The following ARHGAP24 variants were observed in gnomAD, a reference collection of about 807,000 sequenced individuals.
ARHGAP24 encodes the protein Rho GTPase activating protein 24.
ARHGAP24 carries 50 observed loss-of-function variants against 76.4 expected under a neutral mutation model. The observed-to-expected ratio is 0.65, with a 90% CI of 0.52 to 0.83. The LOEUF (loss-of-function observed/expected upper bound fraction) is 0.83, where lower values mean the gene tolerates loss of function less well. ARHGAP24 is among the 40% of genes least tolerant of loss of function. ARHGAP24 has a pLI of 0.00. For missense variants in ARHGAP24, 930 were observed against 914.2 expected, an observed-to-expected ratio of 1.02 and a Z score of -0.22; for synonymous variants, 345 against 323.3, an observed-to-expected ratio of 1.07 and a Z score of -0.72.
intron 4 of ARHGAP24, among the ~76,000 whole-genome samples, chr4:85,938,806 A>C (rs537507816): frequency 6.6e-6 from 1 of 152,184 alleles, no homozygotes; most frequent in African/African-American, 2.4e-5. Flanking sequence ...ATGCTCATTG[A>C]AGCTCCAGAG....
At chr4:85,601,995 A>G (rs1720042315) in intron 2 of ARHGAP24, among the ~76,000 whole-genome samples, 1 of 151,580 alleles carries the variant, frequency 6.6e-6, no homozygotes, top group Non-Finnish European at 1.5e-5. Flanking sequence ...TTACTTGCAT[A>G]GGAAAAAGGA....
chr4:85,868,790 A>C (rs1045934168), intron 3 of ARHGAP24, among the ~76,000 whole-genome samples: 1 of 152,126 alleles, frequency 6.6e-6, no homozygotes, highest in Non-Finnish European at 1.5e-5. Context: ...CTATAAACCT[A>C]AAATTATTCT....
In ARHGAP24 at chr4:85,948,283, G is replaced by T. The variant is rs11947947; in HGVS notation, c.599+6010G>T. On this transcript the variant is annotated intron_variant, in intron 5 of 9. Transcript: ENST00000395184. ...AAATTAGCAAGAAATATGTCAATAG[G>T]CTCCTCATAATAGAATATCGTATAA... Among the ~76,000 whole-genome samples the T allele has an allele frequency of 5.6e-3, 849 of 152,130 alleles. 10 individuals carry two copies. Among genetic ancestry groups the T allele is most frequent in the African/African-American group, 0.019 (809 of 41,508 alleles).
intron 3 of ARHGAP24, among the ~76,000 whole-genome samples, chr4:85,851,495 T>C (rs1397419888): frequency 6.6e-6 from 1 of 152,212 alleles, no homozygotes; most frequent in East Asian, 1.9e-4. Flanking sequence ...GTCATTATGA[T>C]GTTAGCTGGT....
chr4:85,795,211 A>G (rs753348075), intron 3 of ARHGAP24, among the ~76,000 whole-genome samples: 1 of 152,206 alleles, frequency 6.6e-6, no homozygotes, highest in Non-Finnish European at 1.5e-5. Flanking sequence ...AGAAATTTAT[A>G]CAAAGTTCAT....
chr4:85,564,923 G>GGTATAT (rs1267106368), intron 1 of ARHGAP24, among the ~76,000 whole-genome samples: 1 of 36,720 alleles, frequency 2.7e-5, no homozygotes, highest in Non-Finnish European at 5.2e-5. Flanking sequence ...GAACACACAC[G>GGTATAT]GTATATATAT....
At chr4:85,667,614 C>T (rs538537036) in intron 2 of ARHGAP24, among the ~76,000 whole-genome samples, 13 of 152,264 alleles carry the variant, frequency 8.5e-5, no homozygotes, top group South Asian at 2.1e-4. Context: ...AGCTGTAGAC[C>T]GGAGCTGTTC....
At chr4:85,732,607 T>G (rs1725447649) in intron 3 of ARHGAP24, among the ~76,000 whole-genome samples, 1 of 152,174 alleles carries the variant, frequency 6.6e-6, no homozygotes. Context: ...TATCTTTATT[T>G]GCCTATTCAT....
At chr4:85,770,908 G>A (rs920817428) in intron 3 of ARHGAP24, among the ~76,000 whole-genome samples, 13 of 152,178 alleles carry the variant, frequency 8.5e-5, no homozygotes, top group African/African-American at 1.2e-4. Flanking sequence ...GCAGGAGAGT[G>A]AACTGAGATT....
chr4:85,926,883 G>C (rs72976242), intron 4 of ARHGAP24, among the ~76,000 whole-genome samples: 3,330 of 152,144 alleles, frequency 0.022, 128 homozygotes, highest in African/African-American at 0.074. Flanking sequence ...TAGCAAAATA[G>C]TGTGATCTAT....
intron 8 of ARHGAP24, among the ~76,000 whole-genome samples, chr4:85,979,517 C>A (rs1421023063): frequency 1.3e-5 from 2 of 152,108 alleles, no homozygotes; most frequent in African/African-American, 4.8e-5. Flanking sequence ...TGGCAACTAC[C>A]CTTCTGCTTT....
At chr4:85,912,853 A>G (rs1029989853) in intron 3 of ARHGAP24, among the ~76,000 whole-genome samples, 5 of 151,110 alleles carry the variant, frequency 3.3e-5, no homozygotes, top group Non-Finnish European at 5.9e-5. Context: ...GCTCAATGCT[A>G]TTTTTTTTTC....
chr4:85,856,298 T>G (rs1047486025), intron 3 of ARHGAP24, among the ~76,000 whole-genome samples: 1 of 151,878 alleles, frequency 6.6e-6, no homozygotes, highest in African/African-American at 2.4e-5. Context: ...TAATCTCATT[T>G]TGGTAAAAAA....
chr4:85,681,485 G>T (rs1012114269), intron 2 of ARHGAP24, among the ~76,000 whole-genome samples: 2 of 152,148 alleles, frequency 1.3e-5, no homozygotes, highest in African/African-American at 4.8e-5. Flanking sequence ...CCCTCCCAGG[G>T]CTCCTTCCTG....
At chr4:85,982,968 T>C (rs181600087) in intron 8 of ARHGAP24, among the ~76,000 whole-genome samples, 1 of 152,110 alleles carries the variant, frequency 6.6e-6, no homozygotes, top group African/African-American at 2.4e-5. Flanking sequence ...CCCCTCCCTA[T>C]GTCCATGTGT....
intron 9 of ARHGAP24, among the ~76,000 whole-genome samples, chr4:85,997,364 TGATAGATATAGATA>T (rs1740729810): frequency 1.6e-5 from 2 of 122,586 alleles, no homozygotes; most frequent in Admixed American, 7.8e-5. Context: ...AATAGATAGA[TGATAGATATAGATA>T]GATAGATAGA....
At chr4:85,916,081 T>A (rs1404467420) in intron 3 of ARHGAP24, among the ~76,000 whole-genome samples, 1 of 152,176 alleles carries the variant, frequency 6.6e-6, no homozygotes, top group African/African-American at 2.4e-5. Context: ...CTCTAGCATC[T>A]GTTGTTTCCT....
chr4:85,848,922 A>C (rs576496429), intron 3 of ARHGAP24, among the ~76,000 whole-genome samples: 3 of 152,210 alleles, frequency 2.0e-5, no homozygotes, highest in Admixed American at 2.0e-4. Flanking sequence ...ACTGTCTTGG[A>C]AATGCGGGCT....
intron 3 of ARHGAP24, among the ~76,000 whole-genome samples, chr4:85,749,578 T>C (rs764446504): frequency 6.6e-6 from 1 of 152,152 alleles, no homozygotes; most frequent in Non-Finnish European, 1.5e-5. Context: ...TTGTTGTTTG[T>C]TTTGTTTTTT....
Sources: allele counts gnomAD v4.1 joint callset (sites outside exome capture counted in the v4.1 genomes callset), GRCh38; gene constraint gnomAD v4.1.1; transcripts MANE v1.5; gene names NCBI Gene and HGNC (gene_info 2026-07-23, HGNC 2026-07-21).